The following CIMAP2 variants were observed in gnomAD, a reference collection of about 807,000 sequenced individuals.
CIMAP2 encodes the protein ciliary microtubule-associated protein 2.
the CIMAP2 span, among the ~76,000 whole-genome samples, chr1:54,806,809 G>A: frequency 3.3e-5 from 5 of 151,016 alleles, no homozygotes; most frequent in African/African-American, 7.3e-5. Flanking sequence ...AGGAGCTGGT[G>A]GGTGGGGTGG....
the CIMAP2 span, among the ~76,000 whole-genome samples, chr1:54,825,660 G>A: frequency 6.6e-6 from 1 of 152,088 alleles, no homozygotes; most frequent in African/African-American, 2.4e-5. Context: ...AGGTCTGGGC[G>A]GGCTGGTCCT....
the CIMAP2 span, chr1:54,811,768 T>TGGGGGGGGGC: frequency 3.7e-6 from 2 of 533,352 alleles, no homozygotes; most frequent in African/African-American, 2.1e-5. Context: ...TCTGACAGCC[T>TGGGGGGGGGC]CCATGCCCCC....
the CIMAP2 span, among the ~76,000 whole-genome samples, chr1:54,816,732 C>T: frequency 6.6e-6 from 1 of 152,206 alleles, no homozygotes; most frequent in South Asian, 2.1e-4. Context: ...ACACCAGTCA[C>T]ATTGGAAGAA....
At chr1:54,807,032 G>A in the CIMAP2 span, 8 of 1,614,086 alleles carry the variant, frequency 5.0e-6, no homozygotes, top group Non-Finnish European at 6.8e-6. Context: ...ACTGGAAGAA[G>A]TTCAGCACCT....
the CIMAP2 span, chr1:54,807,678 G>A: frequency 3.1e-6 from 5 of 1,597,812 alleles, no homozygotes; most frequent in African/African-American, 4.0e-5. Flanking sequence ...TCATGAAAGA[G>A]AAGCGGCTGA....
chr1:54,809,922 A>G, the CIMAP2 span, among the ~76,000 whole-genome samples: 8 of 151,678 alleles, frequency 5.3e-5, no homozygotes, highest in African/African-American at 1.9e-4. Flanking sequence ...TGATTCATTC[A>G]TTTCCACACT....
the CIMAP2 span, among the ~76,000 whole-genome samples, chr1:54,822,259 T>G: frequency 6.6e-6 from 1 of 152,170 alleles, no homozygotes. Flanking sequence ...TAAATAGGAG[T>G]GCTGATAGTG....
the CIMAP2 span, chr1:54,811,765 G>GCCGGGGGGGGGGGCCCCCCC: frequency 1.5e-5 from 19 of 1,301,288 alleles, no homozygotes; most frequent in East Asian, 5.0e-5. Context: ...GGTTCTGACA[G>GCCGGGGGGGGGGGCCCCCCC]CCTCCATGCC....
At chr1:54,813,923 C>T in the CIMAP2 span, 1 of 1,613,520 alleles carries the variant, frequency 6.2e-7, no homozygotes, top group Non-Finnish European at 8.5e-7. Context: ...AACCCGAAAA[C>T]CCCTACAGAG....
the CIMAP2 span, chr1:54,808,039 A>G: frequency 6.6e-7 from 1 of 1,517,518 alleles, no homozygotes; most frequent in African/African-American, 1.4e-5. Flanking sequence ...TGGAGTCCCA[A>G]GCAGAGAGCC....
the CIMAP2 span, among the ~76,000 whole-genome samples, chr1:54,826,157 C>T: frequency 6.6e-6 from 1 of 152,106 alleles, no homozygotes; most frequent in East Asian, 1.9e-4. Context: ...GTAGGGTGGG[C>T]CTGTCCTCAG....
the CIMAP2 span, among the ~76,000 whole-genome samples, chr1:54,831,610 G>A: frequency 1.3e-5 from 2 of 151,218 alleles, no homozygotes; most frequent in Admixed American, 6.6e-5. Context: ...CCAAGATTGC[G>A]CCATTGCACT....
the CIMAP2 span, among the ~76,000 whole-genome samples, chr1:54,822,643 A>G: frequency 6.6e-6 from 1 of 152,154 alleles, no homozygotes; most frequent in South Asian, 2.1e-4. Flanking sequence ...AGCTGGAACT[A>G]CAGGTGCACA....
the CIMAP2 span, among the ~76,000 whole-genome samples, chr1:54,816,768 T>G: frequency 6.6e-6 from 1 of 152,178 alleles, no homozygotes; most frequent in African/African-American, 2.4e-5. Flanking sequence ...CAGTATGACT[T>G]AATCTTAACT....
chr1:54,834,259 T>C, the CIMAP2 span, among the ~76,000 whole-genome samples: 1 of 152,202 alleles, frequency 6.6e-6, no homozygotes, highest in Non-Finnish European at 1.5e-5. Context: ...CTTCAAAAGT[T>C]CATACAGAAC....
chr1:54,811,766 C>CGGGGCGGGGGGG, the CIMAP2 span: 1 of 1,305,188 alleles, frequency 7.7e-7, no homozygotes, highest in Non-Finnish European at 1.1e-6. Context: ...GTTCTGACAG[C>CGGGGCGGGGGGG]CTCCATGCCC....
the CIMAP2 span, chr1:54,842,036 T>C: frequency 2.9e-6 from 2 of 678,190 alleles, no homozygotes; most frequent in Non-Finnish European, 5.0e-6. Context: ...CAGAGCTGCA[T>C]ACCTGAAGGT....
chr1:54,840,874 C>G, the CIMAP2 span, among the ~76,000 whole-genome samples: 16 of 152,158 alleles, frequency 1.1e-4, no homozygotes, highest in African/African-American at 3.9e-4. Context: ...ACGTGTTTTG[C>G]AAATATTTTT....
chr1:54,838,495 A>AT, the CIMAP2 span, among the ~76,000 whole-genome samples: 1 of 150,704 alleles, frequency 6.6e-6, no homozygotes, highest in Admixed American at 6.6e-5. Flanking sequence ...TAAAAAAAAA[A>AT]ATCATCTCTC....
Sources: allele counts gnomAD v4.1 joint callset (sites outside exome capture counted in the v4.1 genomes callset), GRCh38; gene constraint gnomAD v4.1.1; transcripts MANE v1.5; gene names NCBI Gene and HGNC (gene_info 2026-07-23, HGNC 2026-07-21).